Variants in ZBTB20 observed in about 807,000 individuals in gnomAD.
ZBTB20 encodes zinc finger and BTB domain containing 20, also known as zinc finger and BTB domain-containing protein 20.
A neutral mutation model predicts 56.9 loss-of-function variants in ZBTB20; 9 were observed. That is an observed-to-expected ratio of 0.16 (90% CI 0.10 to 0.28). The LOEUF is 0.28. ZBTB20 is among the 10% of genes least tolerant of loss of function. The pLI is 1.00. For missense variants in ZBTB20, 655 were observed against 1,003.0 expected, an observed-to-expected ratio of 0.65 and a Z score of 4.69; for synonymous variants, 417 against 420.7, an observed-to-expected ratio of 0.99 and a Z score of 0.11.
At chr3:114,635,367 A>C (rs1019353266) in intron 6 of ZBTB20, among the ~76,000 whole-genome samples, 2 of 152,124 alleles carry the variant, frequency 1.3e-5, no homozygotes, top group Non-Finnish European at 2.9e-5. Flanking sequence ...AGAGACTGGG[A>C]AAGGTAGCTG....
intron 1 of ZBTB20, among the ~76,000 whole-genome samples, chr3:115,085,165 T>C (rs2082939097): frequency 6.6e-6 from 1 of 152,012 alleles, no homozygotes; most frequent in Admixed American, 6.6e-5. Context: ...TTGAGTCCCA[T>C]ATGGCTCTGA....
chr3:115,142,564 T>A lies in ZBTB20; in HGVS notation c.-703+4655A>T, dbSNP rs558150854. Among the ~76,000 whole-genome samples the A allele has an allele frequency of 8.6e-5, 13 of 151,110 alleles. No individual in the cohort carries two copies. The Admixed American group carries it at 8.6e-4, about 10-fold the overall frequency. On this transcript the variant is annotated intron_variant, in intron 1 of 11. Transcript: ENST00000675478. The stretch of plus-strand genomic sequence containing the variant: ...CTGTAGTCCCAGCTACTCAGGAGAC[T>A]GAGGCAGGAGAATTGCTTGAATCTG...
At chr3:115,097,009 T>C (rs756429398) in intron 1 of ZBTB20, among the ~76,000 whole-genome samples, 38 of 152,170 alleles carry the variant, frequency 2.5e-4, no homozygotes, top group Non-Finnish European at 8.8e-5. Context: ...ATAAAAAGTA[T>C]CTGCAATTTT....
chr3:115,073,199 A>T (rs955732567), intron 1 of ZBTB20, among the ~76,000 whole-genome samples: 2 of 152,218 alleles, frequency 1.3e-5, no homozygotes, highest in Non-Finnish European at 2.9e-5. Flanking sequence ...ACACAGTTTA[A>T]GAAAAGCATT....
chr3:115,136,266 C>A (rs557296896), intron 1 of ZBTB20, among the ~76,000 whole-genome samples: 1 of 152,106 alleles, frequency 6.6e-6, no homozygotes, highest in East Asian at 1.9e-4. Flanking sequence ...CAGGGAAAGT[C>A]TATAATAGGT....
intron 6 of ZBTB20, among the ~76,000 whole-genome samples, chr3:114,582,428 A>T (rs1055210701): frequency 2.0e-5 from 3 of 151,586 alleles, no homozygotes; most frequent in African/African-American, 7.3e-5. Flanking sequence ...TCTGTCCACC[A>T]GGCTGGAGTG....
At chr3:114,725,374 G>A (rs1467072168) in intron 5 of ZBTB20, among the ~76,000 whole-genome samples, 1 of 152,002 alleles carries the variant, frequency 6.6e-6, no homozygotes, top group African/African-American at 2.4e-5. Context: ...ATTTGCTATC[G>A]ACTCATCCAT....
At chr3:114,997,858 T>C (rs949438435) in intron 2 of ZBTB20, among the ~76,000 whole-genome samples, 1 of 151,788 alleles carries the variant, frequency 6.6e-6, no homozygotes, top group East Asian at 2.0e-4. Flanking sequence ...CTTAGATGGA[T>C]GTGTCTACTT....
At chr3:114,958,247 A>T (rs1056032977) in intron 3 of ZBTB20, among the ~76,000 whole-genome samples, 1 of 152,234 alleles carries the variant, frequency 6.6e-6, no homozygotes, top group Non-Finnish European at 1.5e-5. Context: ...AAATCCAATA[A>T]GGAGAAATCA....
chr3:115,047,030 T>C (rs1027219781), intron 2 of ZBTB20, among the ~76,000 whole-genome samples: 3 of 152,236 alleles, frequency 2.0e-5, no homozygotes, highest in East Asian at 1.9e-4. Flanking sequence ...TATGTTGATA[T>C]AATGCAGAAT....
chr3:114,844,411 C>T (rs1415343777), intron 4 of ZBTB20, among the ~76,000 whole-genome samples: 1 of 127,400 alleles, frequency 7.8e-6, no homozygotes, highest in Non-Finnish European at 1.6e-5. Context: ...GTCCCAGCTA[C>T]TGGGAAGGCT....
intron 3 of ZBTB20, among the ~76,000 whole-genome samples, chr3:114,921,179 A>T (rs994998042): frequency 6.6e-6 from 1 of 152,092 alleles, no homozygotes; most frequent in South Asian, 2.1e-4. Flanking sequence ...CTGCAGTGCA[A>T]TGGTGTGACC....
At chr3:114,502,304 C>T (rs890237713) in intron 6 of ZBTB20, among the ~76,000 whole-genome samples, 1 of 152,180 alleles carries the variant, frequency 6.6e-6, no homozygotes, top group African/African-American at 2.4e-5. Context: ...AAGCAGAAAA[C>T]CAGCAATTAA....
intron 5 of ZBTB20, among the ~76,000 whole-genome samples, chr3:114,735,838 C>T (rs1282160893): frequency 6.6e-6 from 1 of 151,968 alleles, no homozygotes; most frequent in Admixed American, 6.6e-5. Flanking sequence ...TAGTTAGGAA[C>T]AGAGTGAGCC....
At chr3:114,785,914 T>C (rs1389368620) in intron 5 of ZBTB20, among the ~76,000 whole-genome samples, 1 of 152,172 alleles carries the variant, frequency 6.6e-6, no homozygotes, top group East Asian at 1.9e-4. Flanking sequence ...TGTGTACCCT[T>C]TGACGAACTT....
At chr3:115,098,671 T>A (rs1030759964) in intron 1 of ZBTB20, among the ~76,000 whole-genome samples, 2 of 152,158 alleles carry the variant, frequency 1.3e-5, no homozygotes, top group African/African-American at 2.4e-5. Context: ...AAAAAGTCTT[T>A]CAGCAGCAAA....
intron 4 of ZBTB20, among the ~76,000 whole-genome samples, chr3:114,869,926 A>G (rs1188842277): frequency 1.3e-5 from 2 of 152,346 alleles, no homozygotes; most frequent in East Asian, 3.9e-4. Context: ...GTGATAATAC[A>G]TAAAATCTAT....
At chr3:114,721,729 T>C (rs1276960271) in intron 5 of ZBTB20, among the ~76,000 whole-genome samples, 1 of 152,130 alleles carries the variant, frequency 6.6e-6, no homozygotes, top group African/African-American at 2.4e-5. Context: ...GTACAAGGGA[T>C]CTTTTGGTGG....
intron 6 of ZBTB20, among the ~76,000 whole-genome samples, chr3:114,677,587 C>T (rs2061703831): frequency 6.6e-6 from 1 of 152,160 alleles, no homozygotes; most frequent in South Asian, 2.1e-4. Context: ...TCCATGGAAA[C>T]ATTGTCTTCC....
Sources: allele counts gnomAD v4.1 joint callset (sites outside exome capture counted in the v4.1 genomes callset), GRCh38; gene constraint gnomAD v4.1.1; transcripts MANE v1.5; gene names NCBI Gene and HGNC (gene_info 2026-07-23, HGNC 2026-07-21).